The following MCC variants were observed in gnomAD, a reference collection of about 807,000 sequenced individuals.
MCC encodes colorectal mutant cancer protein.
In MCC, 90 loss-of-function variants were observed where a neutral mutation model predicts 116.2. The ratio of observed to expected loss-of-function variants is 0.77; its 90% CI spans 0.65 to 0.92. The LOEUF (loss-of-function observed/expected upper bound fraction) is 0.92. Ranked by LOEUF, MCC falls within the 40% of genes least tolerant of loss-of-function variation. The pLI is 0.00. For synonymous variants in MCC, 578 were observed against 510.5 expected, an observed-to-expected ratio of 1.13 and a Z score of -1.78; for missense variants, 1,516 against 1,312.2, an observed-to-expected ratio of 1.16 and a Z score of -2.40.
In MCC at chr5:113,339,207, CAA is replaced by C. The variant is rs1388103039; in HGVS notation, c.627+1310_627+1311del. On this transcript the variant is annotated intron_variant, in intron 3 of 18. Coordinates refer to ENST00000408903, the MANE Select transcript of MCC (RefSeq NM_001085377.2). ...CGCAATTGCACTCCAGCCTGGGCAA[CAA>C]GAGCGAAACTCCATCTCAAAAAAAA... 8.9e-5 allele frequency among the ~76,000 whole-genome samples: 13 copies of C among 146,046 alleles called. No homozygotes were observed. In the East Asian group the frequency reaches 2.2e-3, roughly 24 times the overall value.
intron 1 of MCC, among the ~76,000 whole-genome samples, chr5:113,463,698 T>C (rs886923174): frequency 4.1e-4 from 63 of 152,132 alleles, no homozygotes; most frequent in African/African-American, 1.5e-3. Flanking sequence ...GGCAGTTGGG[T>C]CAATTAGTTA....
chr5:113,255,907 G>T (rs751768642), intron 3 of MCC, among the ~76,000 whole-genome samples: 6 of 152,180 alleles, frequency 3.9e-5, no homozygotes. Context: ...GATCCATCTG[G>T]TAGTATTTCC....
At chr5:113,173,237 C>T (rs915442834) in intron 3 of MCC, among the ~76,000 whole-genome samples, 2 of 152,158 alleles carry the variant, frequency 1.3e-5, no homozygotes, top group African/African-American at 4.8e-5. Context: ...GATTCCATAG[C>T]TACCAACATT....
intron 3 of MCC, among the ~76,000 whole-genome samples, chr5:113,297,978 C>T (rs1319848972): frequency 2.0e-5 from 3 of 151,986 alleles, no homozygotes; most frequent in African/African-American, 7.3e-5. Flanking sequence ...TTTGAGGTGG[C>T]ATCAGGATAT....
chr5:113,375,202 C>T (rs554831193), intron 2 of MCC, among the ~76,000 whole-genome samples: 8 of 151,160 alleles, frequency 5.3e-5, no homozygotes, highest in African/African-American at 1.7e-4. Context: ...CAACATTGTT[C>T]CATTTTTTTT....
At chr5:113,140,129 T>C (rs1340369482) in intron 5 of MCC, among the ~76,000 whole-genome samples, 1 of 152,236 alleles carries the variant, frequency 6.6e-6, no homozygotes, top group Non-Finnish European at 1.5e-5. Flanking sequence ...GCTTTACTTG[T>C]ATCTTTCCAA....
At chr5:113,137,539 T>C (rs1274594108) in intron 5 of MCC, among the ~76,000 whole-genome samples, 1 of 152,200 alleles carries the variant, frequency 6.6e-6, no homozygotes, top group Middle Eastern at 3.2e-3. Flanking sequence ...CTATGGTGAA[T>C]CCCACTCGAT....
chr5:113,064,505 C>T (rs1363852983), intron 13 of MCC, among the ~76,000 whole-genome samples: 1 of 152,240 alleles, frequency 6.6e-6, no homozygotes, highest in Non-Finnish European at 1.5e-5. Flanking sequence ...TCCCATTCAG[C>T]CACAAGTCTA....
At chr5:113,190,324 A>G (rs933881170) in intron 3 of MCC, among the ~76,000 whole-genome samples, 17 of 152,170 alleles carry the variant, frequency 1.1e-4, no homozygotes, top group African/African-American at 3.4e-4. Flanking sequence ...GGAAAGGATG[A>G]TAACAACAAA....
intron 1 of MCC, among the ~76,000 whole-genome samples, chr5:113,401,993 G>A (rs1769700471): frequency 1.3e-5 from 2 of 151,830 alleles, no homozygotes; most frequent in Admixed American, 6.6e-5. Flanking sequence ...AGGACTATGG[G>A]GGCACAAAAA....
chr5:113,059,205 G>C (rs56210042), intron 14 of MCC, among the ~76,000 whole-genome samples: 5,863 of 152,140 alleles, frequency 0.039, 164 homozygotes, highest in East Asian at 0.073. Flanking sequence ...GAAGCACAGA[G>C]CTTTAAAATG....
intron 6 of MCC, among the ~76,000 whole-genome samples, chr5:113,116,713 C>A (rs981121086): frequency 9.2e-5 from 14 of 152,324 alleles, no homozygotes; most frequent in African/African-American, 3.1e-4. Flanking sequence ...CTTTCCTGCT[C>A]TCAACCCTGG....
intron 3 of MCC, among the ~76,000 whole-genome samples, chr5:113,188,878 C>A (rs1165030988): frequency 6.6e-6 from 1 of 152,152 alleles, no homozygotes; most frequent in Non-Finnish European, 1.5e-5. Context: ...TATCTAACTA[C>A]AAAAACAGAG....
chr5:113,041,027 C>T (rs1008465976), intron 17 of MCC, among the ~76,000 whole-genome samples: 1 of 152,180 alleles, frequency 6.6e-6, no homozygotes, highest in African/African-American at 2.4e-5. Context: ...ACAGTTAAGT[C>T]ATTAGGATTT....
At chr5:113,050,804 T>G (rs1246909920) in intron 15 of MCC, among the ~76,000 whole-genome samples, 1 of 152,212 alleles carries the variant, frequency 6.6e-6, no homozygotes, top group Non-Finnish European at 1.5e-5. Flanking sequence ...GGAGGGCAGG[T>G]GCTGGCCAGC....
intron 3 of MCC, among the ~76,000 whole-genome samples, chr5:113,159,460 G>T (rs1760361926): frequency 6.6e-6 from 1 of 152,142 alleles, no homozygotes; most frequent in South Asian, 2.1e-4. Context: ...TTCCTTCATT[G>T]TAGAGAAATG....
chr5:113,223,098 A>C (rs748734460), intron 3 of MCC, among the ~76,000 whole-genome samples: 27 of 152,166 alleles, frequency 1.8e-4, no homozygotes, highest in Non-Finnish European at 3.5e-4. Flanking sequence ...CACACGTATA[A>C]AAATGGGACG....
intron 3 of MCC, among the ~76,000 whole-genome samples, chr5:113,178,351 G>A (rs1235396097): frequency 6.6e-6 from 1 of 152,202 alleles, no homozygotes; most frequent in African/African-American, 2.4e-5. Flanking sequence ...GACATAAAGT[G>A]TAGATGGCAT....
rs79519717 is a variant in MCC at position 113,071,127 on chromosome 5, T to C, written c.1892A>G (p.Asn631Ser). Residue 631 changes from asparagine (N) to serine (S), a missense_variant, in exon 12 of 19, where the codon AAT becomes AGT. Physicochemically the swap from Asn to Ser is conservative, Grantham distance 46 (BLOSUM62 1). Coordinates refer to ENST00000408903, the MANE Select transcript of MCC (RefSeq NM_001085377.2). ...MSMLVGKYES[N>S]ATALRLALQY... Reference sequence around the variant, plus strand: ...CAAGGCCAGCCTCAGCGCTGTGGCATTGGATTCGTATTTTCCCACCAGCAT... The same window carrying C: ...CAAGGCCAGCCTCAGCGCTGTGGCACTGGATTCGTATTTTCCCACCAGCAT... The C allele has an allele frequency of 1.9e-5, 31 of 1,614,020 alleles. No homozygotes were observed. The highest frequency in any genetic ancestry group is 5.3e-5 in the African/African-American group (4 of 74,922).
Sources: allele counts gnomAD v4.1 joint callset (sites outside exome capture counted in the v4.1 genomes callset), GRCh38; gene constraint gnomAD v4.1.1; transcripts MANE v1.5; gene names NCBI Gene and HGNC (gene_info 2026-07-23, HGNC 2026-07-21).